Variants in CHRM3 observed in about 807,000 individuals in gnomAD.
CHRM3 encodes cholinergic receptor muscarinic 3.
A neutral mutation model predicts 41.8 loss-of-function variants in CHRM3; 11 were observed. That is an observed-to-expected ratio of 0.26 (90% CI 0.17 to 0.44). The LOEUF is 0.44. CHRM3 is among the 20% of genes least tolerant of loss of function. The pLI is 1.00. For missense variants in CHRM3, 571 were observed against 745.4 expected, an observed-to-expected ratio of 0.77 and a Z score of 2.72; for synonymous variants, 297 against 301.4, an observed-to-expected ratio of 0.99 and a Z score of 0.15.
intron 4 of CHRM3, among the ~76,000 whole-genome samples, chr1:239,663,602 G>A (rs1430674902): frequency 1.3e-5 from 2 of 152,170 alleles, no homozygotes. Context: ...TAAAACTGAA[G>A]CTTTATATAT....
intron 1 of CHRM3, among the ~76,000 whole-genome samples, chr1:239,489,136 A>G (rs1390354172): frequency 6.6e-6 from 1 of 152,122 alleles, no homozygotes; most frequent in African/African-American, 2.4e-5. Context: ...TTTGGGGGCC[A>G]GGCGTGGTGG....
intron 5 of CHRM3, chr1:239,707,799 C>T (rs761057183): frequency 2.0e-5 from 3 of 152,158 alleles, no homozygotes; most frequent in Non-Finnish European, 4.4e-5. Flanking sequence ...TTCACTTATC[C>T]TACTTTATCC....
At chr1:239,550,157 T>C (rs1187017679) in intron 3 of CHRM3, among the ~76,000 whole-genome samples, 1 of 152,120 alleles carries the variant, frequency 6.6e-6, no homozygotes, top group Non-Finnish European at 1.5e-5. Flanking sequence ...CTGCGTGCCA[T>C]GATCCCAGGA....
intron 3 of CHRM3, among the ~76,000 whole-genome samples, chr1:239,622,154 T>C (rs1668447481): frequency 2.0e-5 from 3 of 152,166 alleles, no homozygotes; most frequent in African/African-American, 7.2e-5. Flanking sequence ...TGTTGAGAAC[T>C]ACTGCTCAGA....
rs2840297 is a variant in CHRM3 at position 239,763,224 on chromosome 1, G to A, written c.-146-64028G>A. On this transcript the variant is annotated intron_variant, in intron 5 of 6. Transcript: ENST00000676153. ...ACCATTGCCTTAAATTGAAACAAAA[G>A]CCTTGGTATTGGGAGTTCATAAATG... Among the ~76,000 whole-genome samples the A allele has an allele frequency of 2.0e-5, 3 of 152,096 alleles. No individual in the cohort carries two copies. In the South Asian group the frequency reaches 6.2e-4, roughly 32 times the overall value.
At chr1:239,723,491 G>A (rs1663162843) in intron 5 of CHRM3, among the ~76,000 whole-genome samples, 1 of 151,798 alleles carries the variant, frequency 6.6e-6, no homozygotes, top group South Asian at 2.1e-4. Context: ...GGTCAATAAG[G>A]GTTGCCAAAT....
intron 2 of CHRM3, among the ~76,000 whole-genome samples, chr1:239,532,738 G>C (rs938944709): frequency 2.0e-5 from 3 of 151,740 alleles, no homozygotes; most frequent in Non-Finnish European, 4.4e-5. Flanking sequence ...TAGTAATTAA[G>C]AATATTGAAA....
intron 2 of CHRM3, among the ~76,000 whole-genome samples, chr1:239,533,545 G>A (rs1657869676): frequency 1.3e-5 from 2 of 150,860 alleles, no homozygotes. Context: ...AGACCAGCTT[G>A]GAGAGTGAAA....
chr1:239,547,536 A>G lies in CHRM3; in HGVS notation c.-313+1787A>G, dbSNP rs140029304. On this transcript the variant is annotated intron_variant, in intron 3 of 6. Transcript: ENST00000676153. ...GTCATTTATTAATTGTGAAGTTTTC[A>G]AAAACCTCAGTTTCTGAGAAATAAA... Among the ~76,000 whole-genome samples, 1,016 of 152,320 alleles carry G rather than the reference A, an allele frequency of 6.7e-3. 16 individuals are homozygous for G. The highest frequency in any genetic ancestry group is 0.023 in the African/African-American group (948 of 41,578).
chr1:239,750,123 A>G (rs925389233), intron 5 of CHRM3, among the ~76,000 whole-genome samples: 3 of 152,272 alleles, frequency 2.0e-5, no homozygotes, highest in South Asian at 4.1e-4. Context: ...ACCCCCTTTC[A>G]TGCTACTTTG....
chr1:239,674,709 C>CAAAAA (rs34078965), intron 4 of CHRM3, among the ~76,000 whole-genome samples: 3 of 92,662 alleles, frequency 3.2e-5, no homozygotes, highest in Non-Finnish European at 4.3e-5. Context: ...GACTCCATCT[C>CAAAAA]AAAAAAAAAA....
At chr1:239,902,850 T>C (rs537497889) in intron 6 of CHRM3, among the ~76,000 whole-genome samples, 1 of 152,360 alleles carries the variant, frequency 6.6e-6, no homozygotes, top group Non-Finnish European at 1.5e-5. Flanking sequence ...TTCCCTCTAA[T>C]GGTTCTTGTC....
chr1:239,728,046 T>C (rs1257808183), intron 5 of CHRM3, among the ~76,000 whole-genome samples: 1 of 152,026 alleles, frequency 6.6e-6, no homozygotes, highest in African/African-American at 2.4e-5. Flanking sequence ...GCTGGTAGGA[T>C]TGTAAACTAC....
chr1:239,671,502 A>T (rs1172611037), intron 4 of CHRM3, among the ~76,000 whole-genome samples: 4 of 152,158 alleles, frequency 2.6e-5, no homozygotes, highest in Non-Finnish European at 5.9e-5. Flanking sequence ...TCAGCCTAGG[A>T]GGTGAAGCCT....
At chr1:239,556,623 A>G (rs1467006779) in intron 3 of CHRM3, among the ~76,000 whole-genome samples, 1 of 152,216 alleles carries the variant, frequency 6.6e-6, no homozygotes, top group Non-Finnish European at 1.5e-5. Flanking sequence ...TTCAATTCCG[A>G]TACTTCTAAT....
chr1:239,623,374 G>A (rs1486501758), intron 3 of CHRM3, among the ~76,000 whole-genome samples: 1 of 149,180 alleles, frequency 6.7e-6, no homozygotes, highest in African/African-American at 2.5e-5. Context: ...TTGGTTTTTT[G>A]TCCTTGCGAT....
intron 6 of CHRM3, among the ~76,000 whole-genome samples, chr1:239,884,437 C>A (rs1393672946): frequency 6.6e-6 from 1 of 152,134 alleles, no homozygotes; most frequent in Non-Finnish European, 1.5e-5. Flanking sequence ...CTGGAAACAC[C>A]TTGATTTTGG....
At chr1:239,845,679 C>A (rs748324476) in intron 6 of CHRM3, among the ~76,000 whole-genome samples, 2 of 152,178 alleles carry the variant, frequency 1.3e-5, no homozygotes, top group African/African-American at 4.8e-5. Context: ...GAAAACATTT[C>A]TTAAAGAGAC....
At chr1:239,459,261 T>A (rs7519143) in intron 1 of CHRM3, among the ~76,000 whole-genome samples, 6,321 of 152,194 alleles carry the variant, frequency 0.042, 204 homozygotes, top group African/African-American at 0.089. Flanking sequence ...CAGTCATAAT[T>A]AAAGCCAAGA....
Sources: allele counts gnomAD v4.1 joint callset (sites outside exome capture counted in the v4.1 genomes callset), GRCh38; gene constraint gnomAD v4.1.1; transcripts MANE v1.5; gene names NCBI Gene and HGNC (gene_info 2026-07-23, HGNC 2026-07-21).